NCKAP5L: variants seen among roughly 807,000 people sequenced by gnomAD.
The protein encoded by NCKAP5L is nck-associated protein 5-like.
A neutral mutation model predicts 103.2 loss-of-function variants in NCKAP5L; 54 were observed. The observed-to-expected ratio is 0.52, with a 90% CI of 0.42 to 0.66. The LOEUF (loss-of-function observed/expected upper bound fraction) is 0.66, where lower values mean the gene tolerates loss of function less well. Among genes scored for constraint, NCKAP5L ranks in the 30% least tolerant of loss-of-function variants. The pLI is 0.00. For missense variants in NCKAP5L, 1,733 were observed against 1,750.6 expected, an observed-to-expected ratio of 0.99 and a Z score of 0.18; for synonymous variants, 762 against 748.6, an observed-to-expected ratio of 1.02 and a Z score of -0.29.
intron 3 of NCKAP5L, 50 bp from the exon 4 acceptor site, chr12:49,803,215 T>C (rs1946141027): frequency 1.3e-6 from 2 of 1,591,656 alleles, no homozygotes; most frequent in African/African-American, 2.7e-5. Context: ...TGGGGATTAT[T>C]CTTCCCCCAG....
chr12:49,811,930 A>C (rs1946244541), intron 1 of NCKAP5L, among the ~76,000 whole-genome samples: 1 of 152,144 alleles, frequency 6.6e-6, no homozygotes, highest in African/African-American at 2.4e-5. Flanking sequence ...ACCTGGTCCG[A>C]CTTCAGTGGT....
chr12:49,825,759 G>A (rs550410956), intron 1 of NCKAP5L, among the ~76,000 whole-genome samples: 46 of 152,188 alleles, frequency 3.0e-4, no homozygotes, highest in Non-Finnish European at 5.6e-4. Flanking sequence ...GGCTTCCCAG[G>A]CCCAGGAGAG....
chr12:49,803,067 TCC>T, intron 4 of NCKAP5L, 28 bp downstream of exon 4: 1 of 1,614,090 alleles, frequency 6.2e-7, no homozygotes, highest in Non-Finnish European at 8.5e-7. Flanking sequence ...ATGAGCCACA[TCC>T]CCCCAGTCCC....
Position 49,797,339 on chromosome 12 carries a change from G to A in NCKAP5L, c.521C>T (p.Pro174Leu). ...PGGPGPPAAP[P>L]PALDALSPFL... The stretch of plus-strand genomic sequence containing the variant: ...CGGGGATAGGGCATCCAGCGCTGGG[G>A]GTGGGGCGGCTGGGGGGCCTGGGCC... The change falls in exon 8 of 13, where the codon CCC becomes CTC. Residue 174 changes from proline to leucine, a missense_variant. Transcript: ENST00000335999. The surrounding 1 kb of genome is among the most constrained non-coding windows in gnomAD (Gnocchi z 4.5). 6.2e-7 allele frequency: 1 copy of A among 1,612,352 alleles called. No individual in the cohort carries two copies. The highest frequency in any genetic ancestry group is 8.5e-7 in the Non-Finnish European group (1 of 1,179,608).
At chr12:49,825,019 G>A (rs573726571) in intron 1 of NCKAP5L, among the ~76,000 whole-genome samples, 24 of 152,198 alleles carry the variant, frequency 1.6e-4, no homozygotes, top group Admixed American at 1.2e-3. Context: ...AAACATTAAC[G>A]CAGAATGGGA....
rs1382497838 is a variant in NCKAP5L at position 49,793,733 on chromosome 12, C to T, written c.3258+1G>A. On this transcript the variant is annotated splice_donor_variant, in intron 9 of 12. Transcript: ENST00000335999. LOFTEE classifies it high-confidence loss of function. ...ACCCAGTCCCTACCCCAAGAACTTACCTTTCCAGGAGGTTTTCCGCAGCCC... is the reference window on the plus strand; with the variant it reads ...ACCCAGTCCCTACCCCAAGAACTTATCTTTCCAGGAGGTTTTCCGCAGCCC... 6.5e-7 allele frequency: 1 copy of T among 1,549,040 alleles called. No individual in the cohort carries two copies. The highest frequency in any genetic ancestry group is 8.7e-7 in the Non-Finnish European group (1 of 1,147,812).
intron 1 of NCKAP5L, among the ~76,000 whole-genome samples, chr12:49,810,840 T>TA (rs1476949505): frequency 6.6e-6 from 1 of 152,260 alleles, no homozygotes; most frequent in African/African-American, 2.4e-5. Context: ...TAAATAACTG[T>TA]AAGTATAACA....
intron 1 of NCKAP5L, among the ~76,000 whole-genome samples, chr12:49,808,592 C>T (rs560409370): frequency 2.6e-5 from 4 of 152,346 alleles, no homozygotes; most frequent in South Asian, 2.1e-4. Context: ...AGCTCCAAAT[C>T]GAAGCCAAGT....
At chr12:49,808,320 G>A (rs1221448041) in intron 1 of NCKAP5L, among the ~76,000 whole-genome samples, 2 of 152,210 alleles carry the variant, frequency 1.3e-5, no homozygotes, top group African/African-American at 4.8e-5. Flanking sequence ...CCCCTCTTCA[G>A]GAGAAATACT....
intron 1 of NCKAP5L, among the ~76,000 whole-genome samples, chr12:49,826,695 A>C (rs946601308): frequency 1.3e-5 from 2 of 152,194 alleles, no homozygotes; most frequent in African/African-American, 4.8e-5. Context: ...CCAGAGAGCA[A>C]ACTGTCTTGG....
chr12:49,828,095 T>TGGGGTG (rs2137051804), intron 1 of NCKAP5L, among the ~76,000 whole-genome samples: 1 of 18,796 alleles, frequency 5.3e-5, no homozygotes, highest in Admixed American at 4.9e-4. Context: ...CGGGAGGGGG[T>TGGGGTG]GGGGTGGGGG....
chr12:49,799,429 C>A (rs1443409496), intron 6 of NCKAP5L, among the ~76,000 whole-genome samples: 1 of 151,884 alleles, frequency 6.6e-6, no homozygotes, highest in Non-Finnish European at 1.5e-5. Flanking sequence ...CCTGCCTCAG[C>A]CTCCCGAGTA....
At position 49,795,604 on chromosome 12, in the gene NCKAP5L, G is replaced by A. The variant is rs1167642299; in HGVS notation, c.2256C>T (p.Tyr752=). The A allele has an allele frequency of 3.1e-6, 5 of 1,591,682 alleles. No homozygotes were observed. In the East Asian group the frequency reaches 1.1e-4, roughly 36 times the overall value. The stretch of plus-strand genomic sequence containing the variant: ...CCCGGGCCCCCATGGAGTGAGAGGA[G>A]TAGACTCGGGCCCCGGGATCCCCCA... ...GLMGDPGARV[Y]SSHSMGARVD... The change falls in exon 8 of 13, where the codon TAC becomes TAT. Residue 752 remains tyrosine, a synonymous_variant. Coordinates refer to ENST00000335999, the MANE Select transcript of NCKAP5L (RefSeq NM_001037806.4).
intron 1 of NCKAP5L, among the ~76,000 whole-genome samples, chr12:49,814,170 A>G (rs1280324420): frequency 6.7e-6 from 1 of 148,302 alleles, no homozygotes; most frequent in African/African-American, 2.4e-5. Context: ...TTATATATAT[A>G]TATATATATA....
At chr12:49,802,784 TG>T in intron 5 of NCKAP5L, 173 bp downstream of exon 5, 1 of 675,360 alleles carries the variant, frequency 1.5e-6, no homozygotes, top group Non-Finnish European at 2.5e-6. Flanking sequence ...CTCAGAGACC[TG>T]GCCTTACCTA....
intron 1 of NCKAP5L, among the ~76,000 whole-genome samples, chr12:49,807,102 C>A (rs1375157940): frequency 6.6e-6 from 1 of 152,198 alleles, no homozygotes; most frequent in Admixed American, 6.5e-5. Flanking sequence ...ACCCTGCCCT[C>A]AGAGGCCTCC....
In NCKAP5L at chr12:49,795,210, C is replaced by T; in HGVS notation, c.2650G>A (p.Glu884Lys). The change falls in exon 8 of 13, where the codon GAG (glutamate) becomes AAG (lysine). Residue 884 changes from glutamate (E) to lysine (K), a missense_variant. Physicochemically the swap from Glu to Lys is moderately conservative, Grantham distance 56. Transcript: ENST00000335999. ...PEGLAPHSAI[E>K]EKVMKGIEEN... is the part of the protein sequence containing the mutation. ...TCAATGCCCTTCATCACCTTCTCCT[C>T]GATGGCTGAGTGTGGGGCCAGCCCC... The T allele has an allele frequency of 4.4e-6, 7 of 1,576,360 alleles. No individual in the cohort carries two copies. Among genetic ancestry groups the T allele is most frequent in the Non-Finnish European group, 6.0e-6 (7 of 1,161,508 alleles).
At chr12:49,811,507 A>C (rs1001658632) in intron 1 of NCKAP5L, among the ~76,000 whole-genome samples, 1 of 152,064 alleles carries the variant, frequency 6.6e-6, no homozygotes, top group Non-Finnish European at 1.5e-5. Flanking sequence ...CTCCCGGGCA[A>C]AGCCAGTCCT....
rs754848305 is a variant in NCKAP5L, at chr12:49,792,985, G to T, written c.3342C>A (p.Ala1114=). The change falls in exon 11 of 13, where the codon GCC becomes GCA. Residue 1114 remains alanine, a splice_region_variant and synonymous_variant. Coordinates refer to ENST00000335999, the MANE Select transcript of NCKAP5L (RefSeq NM_001037806.4). This position sits in a 1 kb window ranked among gnomAD's most constrained non-coding sequence, Gnocchi z 4.5. Reference sequence around the variant, plus strand: ...CCAAGGTTCGAGTCAAGGAGCCACAGGCTGGGGAGGGGAGGGGAGGGCCCG... The same window carrying T: ...CCAAGGTTCGAGTCAAGGAGCCACATGCTGGGGAGGGGAGGGGAGGGCCCG... ...AEPVPTSHFT[A]CGSLTRTLDS... The T allele has an allele frequency of 6.5e-7, 1 of 1,535,086 alleles. No individual in the cohort carries two copies. The highest frequency in any genetic ancestry group is 1.9e-5 in the Admixed American group (1 of 51,770).
Sources: gnomAD v4.1 joint callset for allele counts (sites outside exome capture counted in the v4.1 genomes callset) on GRCh38, gnomAD v4.1.1 for gene constraint, Gnocchi (gnomAD v3.1) non-coding constraint, MANE v1.5 for transcripts, NCBI Gene and HGNC (gene_info 2026-07-23, HGNC 2026-07-21) for gene names.